RPRD1B: variants seen among roughly 807,000 people sequenced by gnomAD.
RPRD1B encodes regulation of nuclear pre-mRNA domain-containing protein 1B.
RPRD1B carries 11 observed loss-of-function variants against 41.5 expected under a neutral mutation model. The observed-to-expected ratio is 0.27, with a 90% CI of 0.17 to 0.44. The LOEUF is 0.44. Ranked by LOEUF, RPRD1B falls within the 20% of genes least tolerant of loss-of-function variation. The pLI, the probability that RPRD1B is intolerant of heterozygous loss-of-function variation, is 1.00. For missense variants in RPRD1B, 248 were observed against 389.9 expected, an observed-to-expected ratio of 0.64 and a Z score of 3.06; for synonymous variants, 158 against 155.6, an observed-to-expected ratio of 1.02 and a Z score of -0.12.
At chr20:38,064,039 T>TTTTTTAAACGATCAGTTTAAATTAACG (rs2074327880) in intron 5 of RPRD1B, among the ~76,000 whole-genome samples, 1 of 152,222 alleles carries the variant, frequency 6.6e-6, no homozygotes, top group Admixed American at 6.5e-5. Context: ...GAATTAACCA[T>TTTTTTAAACGATCAGTTTAAATTAACG]TTTTTAAAAA....
Position 38,090,671 on chromosome 20 carries a change from T to C in RPRD1B, c.*796T>C. On this transcript the variant is annotated 3_prime_UTR_variant, in exon 7 of 7. Coordinates refer to ENST00000373433, the MANE Select transcript of RPRD1B (RefSeq NM_021215.4). ...ACAGAATGCCTTGATCCCTGGTGGG[T>C]GCGAAGGCAGTTGTTAGGGATGGCA... 1 of 985,498 alleles carries C rather than the reference T, an allele frequency of 1.0e-6. No homozygotes were observed. Among genetic ancestry groups the C allele is most frequent in the African/African-American group, 1.7e-5 (1 of 57,374 alleles). 61.0% of individuals were successfully genotyped at this position (985,498 alleles called of 1,614,324 possible). A position where few individuals can be genotyped will look rare whatever the true frequency, so the allele number is the denominator to read the frequency against.
intron 1 of RPRD1B, among the ~76,000 whole-genome samples, chr20:38,037,903 T>A (rs750648638): frequency 2.0e-5 from 3 of 152,172 alleles, no homozygotes; most frequent in Admixed American, 2.0e-4. Flanking sequence ...AAAGCTTCAC[T>A]TAATGAAATT....
intron 6 of RPRD1B, among the ~76,000 whole-genome samples, chr20:38,076,906 CTTTTTTTTTTTTTTT>C (rs573460686): frequency 0.015 from 933 of 63,574 alleles, 21 homozygotes; most frequent in African/African-American, 0.056. Flanking sequence ...CATTCTGGAC[CTTTTTTTTTTTTTTT>C]TTTTTTTTTT....
At position 38,049,359 on chromosome 20, in the gene RPRD1B, CT is replaced by C. The variant is rs367731624; in HGVS notation, c.415+885del. 4.3e-3 allele frequency among the ~76,000 whole-genome samples: 548 copies of C among 126,412 alleles called. 7 individuals carry two copies. The highest frequency in any genetic ancestry group is 6.3e-3 in the Non-Finnish European group (384 of 61,354). 82.9% of individuals were successfully genotyped at this position (126,412 alleles called of 152,430 possible). ...TTATATTATTTTTTCTTTTTTCTTT[CT>C]TTTTTTCTTTTTTTTTTTTTTTTTT... On this transcript the variant is annotated intron_variant, in intron 3 of 6. Coordinates refer to ENST00000373433, the MANE Select transcript of RPRD1B (RefSeq NM_021215.4).
intron 2 of RPRD1B, among the ~76,000 whole-genome samples, chr20:38,046,283 A>C (rs1203475303): frequency 6.6e-6 from 1 of 152,182 alleles, no homozygotes; most frequent in Non-Finnish European, 1.5e-5. Context: ...TCATTGGTCG[A>C]GCTGAGGAGT....
rs777794295 is a variant in RPRD1B at position 38,034,133 on chromosome 20, C to T, written c.151+35C>T. ...AAATCCCCACCCCCTGGACGGTCCC[C>T]GGATTGTCCTCTCGCCCACATACAA... On this transcript the variant is annotated intron_variant, in intron 1 of 6. Coordinates refer to ENST00000373433, the MANE Select transcript of RPRD1B (RefSeq NM_021215.4). The T allele has an allele frequency of 3.8e-6, 6 of 1,596,910 alleles. No individual in the cohort carries two copies. The African/African-American group carries it at 5.4e-5, about 14-fold the overall frequency.
rs987782759 is a variant in RPRD1B, at chr20:38,034,113, C to T, written c.151+15C>T. On this transcript the variant is annotated intron_variant, in intron 1 of 6. Transcript: ENST00000373433. ...GCTCCGCAAAGGTAAACACCAAATC[C>T]CCACCCCCTGGACGGTCCCCGGATT... 6.2e-7 allele frequency: 1 copy of T among 1,609,656 alleles called. No individual in the cohort carries two copies.
chr20:38,038,690 G>T (rs1325000332), intron 1 of RPRD1B, among the ~76,000 whole-genome samples: 1 of 151,996 alleles, frequency 6.6e-6, no homozygotes, highest in East Asian at 1.9e-4. Flanking sequence ...TAGAGACAAG[G>T]TTTCACCATG....
At chr20:38,081,996 G>A (rs564929096) in intron 6 of RPRD1B, among the ~76,000 whole-genome samples, 4 of 152,244 alleles carry the variant, frequency 2.6e-5, no homozygotes, top group South Asian at 2.1e-4. Flanking sequence ...TGTTCATCAC[G>A]GATATTGGCC....
chr20:38,066,234 C>T lies in RPRD1B; in HGVS notation c.809C>T (p.Ser270Leu), dbSNP rs1278812115. ...EYTQNQKDVL[S>L]EKEKKLEEYK... ...ACCCAGAATCAGAAAGATGTTTTGT[C>T]GGAGAAGGAGAAAAAACTAGAGGTG... The change falls in exon 6 of 7, where the codon TCG (serine) becomes TTG (leucine). Residue 270 changes from serine (S) to leucine (L), a missense_variant. By Grantham distance (145) the Ser-to-Leu change is moderately radical. Around this residue, in one of 5 missense-constraint regions of RPRD1B, gnomAD observed 93 missense variants for 167.2 expected, o/e 0.56. Transcript: ENST00000373433. 3.7e-6 allele frequency: 6 copies of T among 1,613,882 alleles called. No homozygotes were observed. Among genetic ancestry groups the T allele is most frequent in the East Asian group, 4.5e-5 (2 of 44,888 alleles).
Position 38,059,466 on chromosome 20 carries a change from A to G in RPRD1B, c.601A>G (p.Ile201Val). 6.2e-7 allele frequency: 1 copy of G among 1,614,120 alleles called. No individual in the cohort carries two copies. The highest frequency in any genetic ancestry group is 8.5e-7 in the Non-Finnish European group (1 of 1,179,990). ...ASGDATVRQK[I>V]ASLPQEVQDV... Reference sequence around the variant, plus strand: ...AGGGGATGCTACTGTCCGACAGAAAATTGCTTCTCTGCCCCAGGAAGTGCA... The same window carrying G: ...AGGGGATGCTACTGTCCGACAGAAAGTTGCTTCTCTGCCCCAGGAAGTGCA... The change falls in exon 5 of 7, where the codon ATT becomes GTT. Residue 201 changes from isoleucine (I) to valine (V), a missense_variant. Around this residue, in one of 5 missense-constraint regions of RPRD1B, gnomAD observed 93 missense variants for 167.2 expected, o/e 0.56. Coordinates refer to ENST00000373433, the MANE Select transcript of RPRD1B (RefSeq NM_021215.4).
At chr20:38,074,423 C>T (rs2074440499) in intron 6 of RPRD1B, among the ~76,000 whole-genome samples, 2 of 152,202 alleles carry the variant, frequency 1.3e-5, no homozygotes, top group Non-Finnish European at 1.5e-5. Context: ...ATGTACTTCA[C>T]ATACTTAGTG....
chr20:38,086,072 C>T (rs2074558375), intron 6 of RPRD1B, among the ~76,000 whole-genome samples: 1 of 152,142 alleles, frequency 6.6e-6, no homozygotes, highest in African/African-American at 2.4e-5. Flanking sequence ...GCCTCAGCCT[C>T]CCAAAGTGTT....
At chr20:38,036,594 A>G (rs2074005903) in intron 1 of RPRD1B, among the ~76,000 whole-genome samples, 1 of 152,224 alleles carries the variant, frequency 6.6e-6, no homozygotes, top group Non-Finnish European at 1.5e-5. Flanking sequence ...ATAGTTTAAA[A>G]ATAGGAATTA....
intron 5 of RPRD1B, 73 bp downstream of exon 5, chr20:38,059,593 C>A: frequency 6.9e-7 from 1 of 1,455,358 alleles, no homozygotes; most frequent in Non-Finnish European, 9.4e-7. Flanking sequence ...CTAGGCCATA[C>A]TTAACGTCTG....
chr20:38,070,182 T>C, intron 6 of RPRD1B: 1 of 984,930 alleles, frequency 1.0e-6, no homozygotes, highest in Non-Finnish European at 1.2e-6. Flanking sequence ...TATTCTGAGA[T>C]AATCATCTTT....
intron 6 of RPRD1B, among the ~76,000 whole-genome samples, chr20:38,068,872 C>G (rs1416129673): frequency 6.6e-6 from 1 of 152,210 alleles, no homozygotes; most frequent in Non-Finnish European, 1.5e-5. Context: ...CCAAAAGTCT[C>G]TCTGCGTGAT....
chr20:38,049,359 CTTTTTTTCTTTTTTT>C (rs1447014079), intron 3 of RPRD1B, among the ~76,000 whole-genome samples: 1 of 126,408 alleles, frequency 7.9e-6, no homozygotes, highest in African/African-American at 3.3e-5. Context: ...TTTTTTCTTT[CTTTTTTTCTTTTTTT>C]TTTTTTTTTT....
In RPRD1B at chr20:38,049,833, C is replaced by A. The variant is rs1414110466; in HGVS notation, c.415+1352C>A. 3 of 471,004 alleles carry A rather than the reference C, an allele frequency of 6.4e-6. No homozygotes were observed. The East Asian group carries it at 2.1e-4, about 33-fold the overall frequency. The allele number at this position is 471,004 out of a possible 1,614,324, so 29.2% of individuals were successfully genotyped here. ...GTCCAAGTACTGATAGTATTGAAGACCCTTTCTATCTGAACTAGCCTGTTT... is the reference window on the plus strand; with the variant it reads ...GTCCAAGTACTGATAGTATTGAAGAACCTTTCTATCTGAACTAGCCTGTTT... On this transcript the variant is annotated intron_variant, in intron 3 of 6. Coordinates refer to ENST00000373433, the MANE Select transcript of RPRD1B (RefSeq NM_021215.4).
Sources: allele counts gnomAD v4.1 joint callset (sites outside exome capture counted in the v4.1 genomes callset), GRCh38; gene constraint gnomAD v4.1.1; regional missense constraint gnomAD v4.1.1; transcripts MANE v1.5; gene names NCBI Gene and HGNC (gene_info 2026-07-23, HGNC 2026-07-21).